The following TENM1 variants were observed in gnomAD, a reference collection of about 807,000 sequenced individuals.
TENM1 encodes teneurin transmembrane protein 1, also known as teneurin-1.
In TENM1, 35 loss-of-function variants were observed where a neutral mutation model predicts 174.8. That is an observed-to-expected ratio of 0.20 (90% CI 0.15 to 0.27). The LOEUF (loss-of-function observed/expected upper bound fraction) is 0.27. Ranked by LOEUF, TENM1 falls within the 10% of genes least tolerant of loss-of-function variation. The pLI is 1.00. For missense variants in TENM1, 1,633 were observed against 2,130.1 expected (o/e 0.77, Z 4.59); for synonymous variants, 781 against 798.7 (o/e 0.98, Z 0.37).
intron 11 of TENM1, among the ~76,000 whole-genome samples, chrX:124,583,625 G>C (rs1241032577): frequency 8.9e-6 from 1 of 111,851 alleles, no homozygotes; most frequent in East Asian, 2.8e-4. Context: ...AAAAAGCAGA[G>C]CACCTCTCCT....
intron 3 of TENM1, among the ~76,000 whole-genome samples, chrX:124,893,123 A>G (rs1025270514): frequency 1.8e-5 from 2 of 112,506 alleles, no homozygotes; most frequent in African/African-American, 6.4e-5. Flanking sequence ...GTTGTCATCA[A>G]TTAAAATCTG....
chrX:125,122,424 G>A, the TENM1 span, among the ~76,000 whole-genome samples: 1 of 111,277 alleles, frequency 9.0e-6, no homozygotes, highest in African/African-American at 3.3e-5. Flanking sequence ...AGATCATTTC[G>A]ATCAATATTG....
the TENM1 span, among the ~76,000 whole-genome samples, chrX:124,973,526 G>A: frequency 2.7e-5 from 3 of 111,315 alleles, no homozygotes; most frequent in South Asian, 3.8e-4. Context: ...TTGATTCTTC[G>A]TATCCATGAG....
the TENM1 span, among the ~76,000 whole-genome samples, chrX:125,036,184 T>G: frequency 8.9e-6 from 1 of 111,962 alleles, no homozygotes; most frequent in Non-Finnish European, 1.9e-5. Flanking sequence ...CAGTTGGCAC[T>G]TCGTCAAAAT....
chrX:125,016,578 G>GA, the TENM1 span, among the ~76,000 whole-genome samples: 316 of 111,232 alleles, frequency 2.8e-3, 1 homozygote, highest in African/African-American at 9.9e-3. Flanking sequence ...ACAATCAAAT[G>GA]AAAAAACATT....
At chrX:124,938,936 T>C (rs141807426) in intron 1 of TENM1, among the ~76,000 whole-genome samples, 9 of 111,682 alleles carry the variant, frequency 8.1e-5, no homozygotes, top group African/African-American at 2.9e-4. Flanking sequence ...AGATATGTCA[T>C]TGATTTTCTT....
chrX:124,506,012 G>A (rs1022413977), intron 18 of TENM1, among the ~76,000 whole-genome samples: 4 of 111,685 alleles, frequency 3.6e-5, no homozygotes, highest in African/African-American at 1.3e-4. Flanking sequence ...TTGGTGTGTA[G>A]GATAACACAG....
At position 124,389,701 on chromosome X, in the gene TENM1, C is replaced by T. The variant is rs750515887; in HGVS notation, c.5688+2351G>A. 5.4e-5 allele frequency among the ~76,000 whole-genome samples: 6 copies of T among 110,672 alleles called. 1 individual carries two copies. Among genetic ancestry groups the T allele is most frequent in the Non-Finnish European group, 1.1e-4 (6 of 52,933 alleles). On this transcript the variant is annotated intron_variant, in intron 28 of 31. Coordinates refer to ENST00000422452, the Ensembl canonical transcript of TENM1. The stretch of plus-strand genomic sequence containing the variant: ...ATTTACCTCCAAGTGGCAGTAAGTG[C>T]TAGCTAGCATTTAAATTCTCTACTT...
chrX:124,872,030 CAAAA>C (rs748541890), intron 3 of TENM1, among the ~76,000 whole-genome samples: 1 of 35,331 alleles, frequency 2.8e-5, no homozygotes. Context: ...GACTCTGTCT[CAAAA>C]AAAAAAAAAA....
the TENM1 span, among the ~76,000 whole-genome samples, chrX:125,142,849 G>A: frequency 0.063 from 7,025 of 111,534 alleles, 227 homozygotes; most frequent in South Asian, 0.19. Context: ...AAATAGCAGT[G>A]AGAGTATGCA....
chrX:124,381,019 A>G, exon 32 of TENM1: 1 of 1,211,817 alleles, frequency 8.3e-7, no homozygotes, highest in East Asian at 3.0e-5. Flanking sequence ...CCTCTATGGT[A>G]AAATGTAGGT....
chrX:125,048,748 T>C, the TENM1 span, among the ~76,000 whole-genome samples: 1 of 111,395 alleles, frequency 9.0e-6, no homozygotes, highest in East Asian at 2.9e-4. Context: ...GTGAATTGTA[T>C]GGTCTGCTGT....
At chrX:124,727,945 G>A (rs2053479030) in intron 4 of TENM1, among the ~76,000 whole-genome samples, 1 of 111,589 alleles carries the variant, frequency 9.0e-6, no homozygotes, top group Non-Finnish European at 1.9e-5. Flanking sequence ...ATGGGACTTT[G>A]AACTCAGTTC....
At chrX:124,449,181 C>T (rs1021954123) in intron 23 of TENM1, among the ~76,000 whole-genome samples, 1 of 111,523 alleles carries the variant, frequency 9.0e-6, no homozygotes, top group African/African-American at 3.3e-5. Context: ...CACACAACCT[C>T]CCCTGCCTCC....
At chrX:125,156,311 G>T in the TENM1 span, among the ~76,000 whole-genome samples, 1 of 111,427 alleles carries the variant, frequency 9.0e-6, no homozygotes, top group South Asian at 3.8e-4. Flanking sequence ...TGTTATATGA[G>T]TAAATTGTGT....
At chrX:124,841,312 G>A (rs1234205216) in intron 3 of TENM1, among the ~76,000 whole-genome samples, 2 of 111,756 alleles carry the variant, frequency 1.8e-5, no homozygotes, top group Non-Finnish European at 3.8e-5. Context: ...AAAACAGGGA[G>A]CAAATGGATC....
exon 32 of TENM1, chrX:124,380,209 A>G (rs1170196967): frequency 5.6e-6 from 1 of 177,203 alleles, no homozygotes; most frequent in Admixed American, 7.5e-5. Flanking sequence ...AGAGATAGAG[A>G]ACCTTGGGTT....
chrX:124,503,669 G>T (rs142666648), exon 19 of TENM1: 2 of 1,203,021 alleles, frequency 1.7e-6, no homozygotes, highest in Non-Finnish European at 2.2e-6. Flanking sequence ...AGAGAATAAA[G>T]TCAGGGCACG....
chrX:124,850,365 T>C (rs1003911642), intron 3 of TENM1, among the ~76,000 whole-genome samples: 1 of 111,529 alleles, frequency 9.0e-6, no homozygotes, highest in African/African-American at 3.3e-5. Flanking sequence ...ATTTCCTTTT[T>C]GATTTATACC....
Sources: allele counts gnomAD v4.1 joint callset (sites outside exome capture counted in the v4.1 genomes callset), GRCh38; gene constraint gnomAD v4.1.1; transcripts MANE v1.5; gene names NCBI Gene and HGNC (gene_info 2026-07-23, HGNC 2026-07-21).